The following ENDOD1 variants were observed in gnomAD, a reference collection of about 807,000 sequenced individuals.
The protein encoded by ENDOD1 is endonuclease domain containing 1, also known as endonuclease domain-containing 1 protein.
A neutral mutation model predicts 6.5 loss-of-function variants in ENDOD1; 9 were observed. The ratio of observed to expected loss-of-function variants is 1.39; its 90% CI spans 0.84 to 2.43. The LOEUF is 2.43. Among genes scored for constraint, ENDOD1 ranks in the 30% most tolerant of loss-of-function variants. The probability of loss-of-function intolerance (pLI) is 0.00; values close to 1 mark genes in which losing one functional copy is unlikely to be tolerated. For missense variants in ENDOD1, 648 were observed against 635.5 expected (o/e 1.02, Z -0.21); for synonymous variants, 255 against 255.2 (o/e 1.00, Z 0.01).
At chr11:95,124,474 T>A (rs970465075) in intron 1 of ENDOD1, among the ~76,000 whole-genome samples, 1 of 152,178 alleles carries the variant, frequency 6.6e-6, no homozygotes, top group Non-Finnish European at 1.5e-5. Context: ...AGGTTTGGAG[T>A]TCATAAGAAT....
intron 1 of ENDOD1, among the ~76,000 whole-genome samples, chr11:95,102,980 A>G (rs1261270926): frequency 6.6e-6 from 1 of 152,196 alleles, no homozygotes. Context: ...TTCCATGCCC[A>G]GGTAGCTTAT....
intron 1 of ENDOD1, among the ~76,000 whole-genome samples, chr11:95,109,551 G>A (rs1859126446): frequency 6.6e-6 from 1 of 152,240 alleles, no homozygotes. Flanking sequence ...CTTCAATTCA[G>A]TGGTTCAGAC....
chr11:95,123,806 G>C (rs113591441), intron 1 of ENDOD1, among the ~76,000 whole-genome samples: 3 of 152,178 alleles, frequency 2.0e-5, no homozygotes, highest in African/African-American at 7.2e-5. Flanking sequence ...GGCTGGGCGT[G>C]GTGGTTCCAT....
At chr11:95,097,357 G>A (rs544570801) in intron 1 of ENDOD1, among the ~76,000 whole-genome samples, 3 of 152,130 alleles carry the variant, frequency 2.0e-5, no homozygotes, top group African/African-American at 4.8e-5. Context: ...GGGGGAAAAC[G>A]TTCTGGGTAA....
Position 95,129,647 on chromosome 11 carries a change from G to A in ENDOD1, c.*68G>A. 3 of 1,509,558 alleles carry A rather than the reference G, an allele frequency of 2.0e-6. No homozygotes were observed. Among genetic ancestry groups the A allele is most frequent in the East Asian group, 2.3e-5 (1 of 44,088 alleles). 93.5% of individuals were successfully genotyped at this position (1,509,558 alleles called of 1,614,324 possible). A position where few individuals can be genotyped will look rare whatever the true frequency, so the allele number is the denominator to read the frequency against. Reference sequence around the variant, plus strand: ...CTGGAATAGTTTGTCTTTACAATGGGTTTCTGTTCACTGTCAGTTATCATT... The same window carrying A: ...CTGGAATAGTTTGTCTTTACAATGGATTTCTGTTCACTGTCAGTTATCATT... On this transcript the variant is annotated 3_prime_UTR_variant, in exon 2 of 2. Transcript: ENST00000278505.
At chr11:95,108,211 C>A (rs950759028) in intron 1 of ENDOD1, among the ~76,000 whole-genome samples, 1 of 152,060 alleles carries the variant, frequency 6.6e-6, no homozygotes, top group African/African-American at 2.4e-5. Context: ...AGTAGAACAC[C>A]CACCCTTTCG....
rs1859380348 is a variant in ENDOD1 at position 95,132,490 on chromosome 11, TA to T, written c.*2913del. On this transcript the variant is annotated 3_prime_UTR_variant, in exon 2 of 2. Transcript: ENST00000278505. ...CAAGTAAGTGCTGCAGTAAAGGTAC[TA>T]ATAACATGTTCCTTGGAACAGAGGA... 1 of 151,786 alleles carries T rather than the reference TA, an allele frequency of 6.6e-6. No individual in the cohort carries two copies. Among genetic ancestry groups the T allele is most frequent in the East Asian group, 1.9e-4 (1 of 5,178 alleles). 9.4% of individuals were successfully genotyped at this position (151,786 alleles called of 1,614,324 possible).
chr11:95,126,827 T>G (rs1328702672), intron 1 of ENDOD1, among the ~76,000 whole-genome samples: 1 of 151,958 alleles, frequency 6.6e-6, no homozygotes. Flanking sequence ...ACCACAGGTG[T>G]GTACCACCAT....
intron 1 of ENDOD1, among the ~76,000 whole-genome samples, chr11:95,102,159 T>G (rs1222290771): frequency 6.6e-6 from 1 of 152,086 alleles, no homozygotes; most frequent in African/African-American, 2.4e-5. Flanking sequence ...AGCTGACAGA[T>G]CTCCACATTT....
In ENDOD1 at chr11:95,125,843, C is replaced by T. The variant is rs183851042; in HGVS notation, c.301-2534C>T. Among the ~76,000 whole-genome samples the T allele has an allele frequency of 8.3e-3, 1,265 of 152,228 alleles. 17 individuals are homozygous for T. Among genetic ancestry groups the T allele is most frequent in the African/African-American group, 0.029 (1,183 of 41,506 alleles). On this transcript the variant is annotated intron_variant, in intron 1 of 1. Coordinates refer to ENST00000278505, the MANE Select transcript of ENDOD1 (RefSeq NM_015036.3). ...CACAGTTTCTTAATCCAGTCTATCA[C>T]TGTTGGACATTTGGGTTGGTTCCAA... is the stretch of plus-strand genomic sequence containing the variant.
At chr11:95,125,975 G>T (rs1341542436) in intron 1 of ENDOD1, among the ~76,000 whole-genome samples, 1 of 152,010 alleles carries the variant, frequency 6.6e-6, no homozygotes, top group Non-Finnish European at 1.5e-5. Context: ...GGGATGGCTG[G>T]GTCAAATGGT....
At chr11:95,102,969 A>G (rs1444344730) in intron 1 of ENDOD1, among the ~76,000 whole-genome samples, 2 of 152,318 alleles carry the variant, frequency 1.3e-5, no homozygotes, top group East Asian at 3.9e-4. Context: ...TCAGACTCCA[A>G]TTCCATGCCC....
In ENDOD1 at chr11:95,129,659, T is replaced by TGTCAGTTA. The variant is rs772097876; in HGVS notation, c.*81_*88dup. The TGTCAGTTA allele has an allele frequency of 4.3e-5, 63 of 1,472,204 alleles. No homozygotes were observed. Among genetic ancestry groups the TGTCAGTTA allele is most frequent in the Non-Finnish European group, 5.2e-5 (57 of 1,090,426 alleles). The allele number at this position is 1,472,204 out of a possible 1,614,324, so 91.2% of individuals were successfully genotyped here. ...GTCTTTACAATGGGTTTCTGTTCAC[T>TGTCAGTTA]GTCAGTTATCATTATATTTTGGCCT... On this transcript the variant is annotated 3_prime_UTR_variant, in exon 2 of 2. Transcript: ENST00000278505.
chr11:95,106,810 G>T (rs1484143541), intron 1 of ENDOD1, among the ~76,000 whole-genome samples: 1 of 141,784 alleles, frequency 7.1e-6, no homozygotes, highest in Non-Finnish European at 1.5e-5. Context: ...TCAGCGTGAG[G>T]TTCATAGACA....
chr11:95,109,327 C>A (rs184000051), intron 1 of ENDOD1, among the ~76,000 whole-genome samples: 44 of 152,298 alleles, frequency 2.9e-4, no homozygotes, highest in African/African-American at 1.0e-3. Flanking sequence ...TCAGGACCAC[C>A]TTTTCCTTGC....
intron 1 of ENDOD1, among the ~76,000 whole-genome samples, chr11:95,122,160 A>T (rs1025806750): frequency 1.3e-5 from 2 of 152,082 alleles, no homozygotes; most frequent in South Asian, 4.1e-4. Flanking sequence ...TTAAGTGACA[A>T]TGTATCAAAG....
chr11:95,122,224 T>C (rs1859268293), intron 1 of ENDOD1, among the ~76,000 whole-genome samples: 1 of 152,084 alleles, frequency 6.6e-6, no homozygotes, highest in Non-Finnish European at 1.5e-5. Flanking sequence ...TTTTTCTATA[T>C]ATTTTTTTCA....
chr11:95,090,239 G>T lies in ENDOD1; in HGVS notation c.300+12G>T. 1 of 1,372,150 alleles carries T rather than the reference G, an allele frequency of 7.3e-7. No homozygotes were observed. Among genetic ancestry groups the T allele is most frequent in the South Asian group, 1.7e-5 (1 of 59,768 alleles). The allele number at this position is 1,372,150 out of a possible 1,614,324, so 85.0% of individuals were successfully genotyped here. ...TGGTGGAGCCGCAGGTAAGCGAAGT[G>T]GTTCCCGAGCCGGGCTGCGGGCGCC... On this transcript the variant is annotated intron_variant, in intron 1 of 1. Transcript: ENST00000278505.
At chr11:95,111,721 A>C (rs928402182) in intron 1 of ENDOD1, among the ~76,000 whole-genome samples, 6 of 152,106 alleles carry the variant, frequency 3.9e-5, no homozygotes, top group Non-Finnish European at 7.4e-5. Flanking sequence ...AATATAGATG[A>C]AACTTCGCTT....
Sources: gnomAD v4.1 joint callset for allele counts (sites outside exome capture counted in the v4.1 genomes callset) on GRCh38, gnomAD v4.1.1 for gene constraint, MANE v1.5 for transcripts, NCBI Gene and HGNC (gene_info 2026-07-23, HGNC 2026-07-21) for gene names.